The following AGBL1 variants were observed in gnomAD, a reference collection of about 807,000 sequenced individuals.
AGBL1 encodes the protein AGBL carboxypeptidase 1.
AGBL1 carries 130 observed loss-of-function variants against 118.9 expected under a neutral mutation model. The observed-to-expected ratio is 1.09, with a 90% CI of 0.95 to 1.26. The LOEUF (loss-of-function observed/expected upper bound fraction) is 1.26, where lower values mean the gene tolerates loss of function less well. Ranked by LOEUF, AGBL1 falls within the 50% of genes most tolerant of loss-of-function variation. AGBL1 has a pLI of 0.00. For missense variants in AGBL1, 1,584 were observed against 1,298.1 expected, an observed-to-expected ratio of 1.22 and a Z score of -3.38; for synonymous variants, 555 against 478.9, an observed-to-expected ratio of 1.16 and a Z score of -2.08.
intron 18 of AGBL1, among the ~76,000 whole-genome samples, chr15:86,473,291 C>G (rs945978259): frequency 1.3e-5 from 2 of 152,014 alleles, no homozygotes; most frequent in African/African-American, 2.4e-5. Context: ...GAGGCCCCCT[C>G]CCAGGGCCAT....
chr15:86,405,265 A>C (rs965976040), intron 18 of AGBL1, among the ~76,000 whole-genome samples: 5 of 152,148 alleles, frequency 3.3e-5, no homozygotes, highest in Non-Finnish European at 7.4e-5. Context: ...TAATCCCAGC[A>C]CTTTGGGAGG....
intron 22 of AGBL1, among the ~76,000 whole-genome samples, chr15:86,783,001 C>T (rs557541940): frequency 8.2e-4 from 125 of 152,240 alleles, no homozygotes; most frequent in African/African-American, 3.0e-3. Flanking sequence ...AGTGATGTTT[C>T]ATCTCTCCAG....
intron 22 of AGBL1, among the ~76,000 whole-genome samples, chr15:86,800,336 A>G (rs1217199311): frequency 1.3e-5 from 2 of 152,068 alleles, no homozygotes; most frequent in Non-Finnish European, 2.9e-5. Flanking sequence ...TTATATTAGG[A>G]TAGTTTTGTA....
chr15:86,332,385 G>A (rs1024648162), intron 17 of AGBL1, among the ~76,000 whole-genome samples: 3 of 152,076 alleles, frequency 2.0e-5, no homozygotes, highest in Admixed American at 1.3e-4. Context: ...AGTGGCTCAC[G>A]CCTGTAATCC....
chr15:86,320,710 G>A (rs2080092522), intron 17 of AGBL1, among the ~76,000 whole-genome samples: 1 of 145,222 alleles, frequency 6.9e-6, no homozygotes, highest in Non-Finnish European at 1.5e-5. Flanking sequence ...ATTTACTGAA[G>A]GTGTGTGTGT....
At chr15:86,889,914 A>T (rs888175484) in intron 22 of AGBL1, among the ~76,000 whole-genome samples, 1 of 152,160 alleles carries the variant, frequency 6.6e-6, no homozygotes, top group Non-Finnish European at 1.5e-5. Flanking sequence ...TATACCCTGT[A>T]ATGGGATTGC....
chr15:86,380,240 C>T (rs1263048147), intron 17 of AGBL1, among the ~76,000 whole-genome samples: 1 of 149,754 alleles, frequency 6.7e-6, no homozygotes, highest in Non-Finnish European at 1.5e-5. Flanking sequence ...CCCCTGCCTG[C>T]CTGCCTCCCT....
At chr15:86,739,206 G>A (rs1026891802) in intron 22 of AGBL1, among the ~76,000 whole-genome samples, 2 of 151,984 alleles carry the variant, frequency 1.3e-5, no homozygotes, top group Non-Finnish European at 2.9e-5. Context: ...CACTTTGGGA[G>A]GCCAAGGCAG....
intron 22 of AGBL1, among the ~76,000 whole-genome samples, chr15:86,850,519 CTT>C (rs1019894035): frequency 7.2e-5 from 11 of 152,204 alleles, no homozygotes; most frequent in Admixed American, 6.5e-5. Flanking sequence ...CATTGCCTGT[CTT>C]TGTTTTGTTT....
chr15:86,598,148 T>C (rs1436074835), intron 21 of AGBL1, among the ~76,000 whole-genome samples: 1 of 152,126 alleles, frequency 6.6e-6, no homozygotes, highest in Non-Finnish European at 1.5e-5. Context: ...GTTTCAGATA[T>C]TCACTGCTAG....
intron 22 of AGBL1, among the ~76,000 whole-genome samples, chr15:86,841,287 A>AT (rs1489217725): frequency 6.6e-6 from 1 of 152,142 alleles, no homozygotes; most frequent in Admixed American, 6.6e-5. Flanking sequence ...TTCCAGAGGG[A>AT]TTTTGTTAGC....
Position 86,264,757 on chromosome 15 carries a change from T to C in AGBL1, c.1586T>C (p.Met529Thr). 6.2e-7 allele frequency: 1 copy of C among 1,614,040 alleles called. No individual in the cohort carries two copies. Among genetic ancestry groups the C allele is most frequent in the Non-Finnish European group, 8.5e-7 (1 of 1,179,898 alleles). ...ACCAGCTCTGTGGTGGACTTCAAGA[T>C]GATGGCATTTCCTGATGTCTGGGGA... ...RRTSSVVDFK[M>T]MAFPDVWGHC... Residue 529 changes from methionine to threonine, a missense_variant, in exon 11 of 23, where the codon ATG (methionine) becomes ACG (threonine). By Grantham distance (81) the Met-to-Thr change is moderately conservative. Coordinates refer to ENST00000614907, the MANE Select transcript of AGBL1 (RefSeq NM_001386094.1).
intron 21 of AGBL1, among the ~76,000 whole-genome samples, chr15:86,568,030 T>A (rs1356808829): frequency 6.6e-6 from 1 of 152,234 alleles, no homozygotes; most frequent in Non-Finnish European, 1.5e-5. Flanking sequence ...GCTTTTGTCA[T>A]GAAGTCTCAA....
At chr15:86,561,667 G>A (rs1178179222) in intron 21 of AGBL1, among the ~76,000 whole-genome samples, 5 of 152,156 alleles carry the variant, frequency 3.3e-5, no homozygotes, top group Admixed American at 3.3e-4. Context: ...GAACTTTAAA[G>A]TAGTGTTTTC....
chr15:86,682,205 AATT>A (rs891533431), intron 22 of AGBL1, among the ~76,000 whole-genome samples: 5 of 152,170 alleles, frequency 3.3e-5, no homozygotes, highest in Non-Finnish European at 7.3e-5. Context: ...TCCGCCTGGG[AATT>A]ATTATAGATT....
At chr15:86,324,743 T>C (rs2080159333) in intron 17 of AGBL1, among the ~76,000 whole-genome samples, 1 of 152,196 alleles carries the variant, frequency 6.6e-6, no homozygotes, top group Non-Finnish European at 1.5e-5. Context: ...GTCGTAGTGG[T>C]AAATCATTTA....
At chr15:86,316,035 A>T (rs2080001817) in intron 17 of AGBL1, among the ~76,000 whole-genome samples, 1 of 152,200 alleles carries the variant, frequency 6.6e-6, no homozygotes. Flanking sequence ...TATCTCATTC[A>T]TTTTATTCAA....
At chr15:86,133,543 C>T (rs1221247524) in intron 1 of AGBL1, among the ~76,000 whole-genome samples, 1 of 152,214 alleles carries the variant, frequency 6.6e-6, no homozygotes, top group Non-Finnish European at 1.5e-5. Context: ...TACATGCTGT[C>T]TATGTATTCG....
chr15:86,230,556 G>A (rs75613242), intron 6 of AGBL1, among the ~76,000 whole-genome samples: 6,583 of 152,272 alleles, frequency 0.043, 193 homozygotes, highest in South Asian at 0.086. Context: ...GCTCTGCCCT[G>A]CCTTGATGAG....
Sources: allele counts gnomAD v4.1 joint callset (sites outside exome capture counted in the v4.1 genomes callset), GRCh38; gene constraint gnomAD v4.1.1; transcripts MANE v1.5; gene names NCBI Gene and HGNC (gene_info 2026-07-23, HGNC 2026-07-21).